ZNF613: variants seen among roughly 807,000 people sequenced by gnomAD.
ZNF613 encodes zinc finger protein 613.
A neutral mutation model predicts 14.3 loss-of-function variants in ZNF613; 8 were observed. The ratio of observed to expected loss-of-function variants is 0.56; its 90% CI spans 0.33 to 1.01. The LOEUF is 1.01. Among genes scored for constraint, ZNF613 ranks in the 50% least tolerant of loss-of-function variants. The pLI is 0.03. For missense variants in ZNF613, 656 were observed against 741.9 expected (o/e 0.88, Z 1.35); for synonymous variants, 228 against 254.5 (o/e 0.90, Z 0.99).
chr19:51,931,199 C>A (rs547628066), intron 2 of ZNF613, among the ~76,000 whole-genome samples: 1 of 152,230 alleles, frequency 6.6e-6, no homozygotes, highest in African/African-American at 2.4e-5. Context: ...ATGCATGTGT[C>A]GCTATTTCCT....
chr19:51,939,668 G>T (rs1180172620), intron 3 of ZNF613, among the ~76,000 whole-genome samples: 1 of 152,096 alleles, frequency 6.6e-6, no homozygotes, highest in East Asian at 1.9e-4. Context: ...TTTAGCAGTA[G>T]GGGGTAATAA....
chr19:51,928,918 A>G (rs944253313), intron 1 of ZNF613, among the ~76,000 whole-genome samples: 2 of 151,908 alleles, frequency 1.3e-5, no homozygotes, highest in Non-Finnish European at 1.5e-5. Context: ...GAAGAAAATG[A>G]TAAGGTTTCT....
intron 2 of ZNF613, among the ~76,000 whole-genome samples, chr19:51,933,719 A>C (rs543987874): frequency 6.6e-6 from 1 of 152,136 alleles, no homozygotes; most frequent in African/African-American, 2.4e-5. Flanking sequence ...TGAGCTGGGG[A>C]GGGGGTGGAG....
At position 51,929,885 on chromosome 19, in the gene ZNF613, G is replaced by T. The variant is rs1170031369; in HGVS notation, c.-205G>T. 6.6e-6 allele frequency: 1 copy of T among 151,936 alleles called. No individual in the cohort carries two copies. Among genetic ancestry groups the T allele is most frequent in the Non-Finnish European group, 1.5e-5 (1 of 67,962 alleles). 9.4% of individuals were successfully genotyped at this position (151,936 alleles called of 1,614,324 possible). A position where few individuals can be genotyped will look rare whatever the true frequency, so the allele number is the denominator to read the frequency against. On this transcript the variant is annotated 5_prime_UTR_variant, in exon 2 of 6. Coordinates refer to ENST00000293471, the MANE Select transcript of ZNF613 (RefSeq NM_001031721.4). ...TTGTAAAATATTGCTTTGTTTTTTG[G>T]TGCATTTCAAAGTAAGTTGCAGACA...
rs1343821430 is a variant in ZNF613, at chr19:51,940,615, A to G, written c.143-2A>G. On this transcript the variant is annotated splice_acceptor_variant, in intron 4 of 5. Transcript: ENST00000293471. LOFTEE classifies it high-confidence loss of function. ...AAGTTGTGTATCATTTCCTATGAAC[A>G]GGGTATCAAGCCAGCAAACCAGATG... is the stretch of plus-strand genomic sequence containing the variant. 6.2e-7 allele frequency: 1 copy of G among 1,610,922 alleles called. No homozygotes were observed. The highest frequency in any genetic ancestry group is 8.5e-7 in the Non-Finnish European group (1 of 1,178,422).
rs768192030 is a variant in ZNF613, at chr19:51,944,536, G to A, written c.653G>A (p.Arg218His). ...ECGKAFLKKSRLIYHQRVHTG... is the reference protein window; with the variant it reads ...ECGKAFLKKSHLIYHQRVHTG... ...GGGAAGGCTTTCCTCAAGAAGTCTC[G>A]CCTCATCTATCATCAGAGAGTTCAC... The change falls in exon 6 of 6, where the codon CGC becomes CAC. Residue 218 changes from arginine to histidine, a missense_variant. Coordinates refer to ENST00000293471, the MANE Select transcript of ZNF613 (RefSeq NM_001031721.4). 1.4e-5 allele frequency: 22 copies of A among 1,613,796 alleles called. No individual in the cohort carries two copies. Among genetic ancestry groups the A allele is most frequent in the Admixed American group, 6.7e-5 (4 of 59,994 alleles).
intron 2 of ZNF613, among the ~76,000 whole-genome samples, chr19:51,934,216 T>A (rs2085288970): frequency 6.6e-6 from 1 of 152,182 alleles, no homozygotes; most frequent in Admixed American, 6.5e-5. Flanking sequence ...TTTTTGATAG[T>A]TTTTTTACTT....
At chr19:51,941,740 C>T (rs2085351979) in intron 5 of ZNF613, among the ~76,000 whole-genome samples, 1 of 152,100 alleles carries the variant, frequency 6.6e-6, no homozygotes, top group African/African-American at 2.4e-5. Flanking sequence ...ATTTTTTACC[C>T]ACTTGCATGT....
In ZNF613 at chr19:51,944,854, C is replaced by G. The variant is rs780804079; in HGVS notation, c.971C>G (p.Ala324Gly). ...CATGGATGCAGCCTGTGTGGGAAGGCCTTCTCCAAAAGGTCCAGGCTCACT... is the reference window on the plus strand; with the variant it reads ...CATGGATGCAGCCTGTGTGGGAAGGGCTTCTCCAAAAGGTCCAGGCTCACT... ...KPHGCSLCGK[A>G]FSKRSRLTEH... Residue 324 changes from alanine to glycine, a missense_variant, in exon 6 of 6, where the codon GCC (alanine) becomes GGC (glycine). Coordinates refer to ENST00000293471, the MANE Select transcript of ZNF613 (RefSeq NM_001031721.4). The G allele has an allele frequency of 6.2e-7, 1 of 1,613,114 alleles. No individual in the cohort carries two copies. Among genetic ancestry groups the G allele is most frequent in the Non-Finnish European group, 8.5e-7 (1 of 1,179,870 alleles).
rs763269713 is a variant in ZNF613 at position 51,944,421 on chromosome 19, G to A, written c.538G>A (p.Glu180Lys). 4.5e-5 allele frequency: 73 copies of A among 1,607,270 alleles called. No individual in the cohort carries two copies. The highest frequency in any genetic ancestry group is 3.6e-4 in the East Asian group (16 of 44,716). ...EQFHNEMNFP[E>K]GGNSVNTNSQ... Reference sequence around the variant, plus strand: ...ATTTCATAATGAAATGAACTTCCCCGAAGGTGGAAATTCTGTGAATACAAA... The same window carrying A: ...ATTTCATAATGAAATGAACTTCCCCAAAGGTGGAAATTCTGTGAATACAAA... The change falls in exon 6 of 6, where the codon GAA (glutamate) becomes AAA (lysine). Residue 180 changes from glutamate (E) to lysine (K), a missense_variant. Physicochemically the swap from Glu to Lys is moderately conservative, Grantham distance 56. Transcript: ENST00000293471.
At position 51,946,038 on chromosome 19, in the gene ZNF613, C is replaced by T. The variant is rs892353332; in HGVS notation, c.*301C>T. Reference sequence around the variant, plus strand: ...TCAGAAACAGTACGCCAGTAGGTATCAGGGGGTTTACACAGGAGAGAAACT... The same window carrying T: ...TCAGAAACAGTACGCCAGTAGGTATTAGGGGGTTTACACAGGAGAGAAACT... On this transcript the variant is annotated 3_prime_UTR_variant, in exon 6 of 6. Coordinates refer to ENST00000293471, the MANE Select transcript of ZNF613 (RefSeq NM_001031721.4). 8 of 361,838 alleles carry T rather than the reference C, an allele frequency of 2.2e-5. No individual in the cohort carries two copies. The highest frequency in any genetic ancestry group is 8.7e-5 in the Admixed American group (2 of 23,100). 22.4% of individuals were successfully genotyped at this position (361,838 alleles called of 1,614,324 possible).
chr19:51,942,705 T>C (rs1036037143), intron 5 of ZNF613: 1 of 151,956 alleles, frequency 6.6e-6, no homozygotes, highest in Non-Finnish European at 1.5e-5. Context: ...ACTTGATTTT[T>C]TTTTTTTTTT....
intron 2 of ZNF613, among the ~76,000 whole-genome samples, chr19:51,930,186 A>G (rs961534106): frequency 9.9e-5 from 15 of 151,988 alleles, no homozygotes; most frequent in African/African-American, 3.4e-4. Context: ...GTTTTCTTCT[A>G]ATTTACTCTT....
At chr19:51,928,853 C>CAA (rs58085445) in intron 1 of ZNF613, among the ~76,000 whole-genome samples, 26 of 96,968 alleles carry the variant, frequency 2.7e-4, no homozygotes, top group African/African-American at 3.4e-4. Context: ...GACCCTGCCT[C>CAA]AAAAAAAAAA....
At chr19:51,939,593 G>C (rs926101175) in intron 3 of ZNF613, among the ~76,000 whole-genome samples, 1 of 151,800 alleles carries the variant, frequency 6.6e-6, no homozygotes, top group African/African-American at 2.4e-5. Context: ...GCCTCCCAAA[G>C]TGCTGGGATT....
Position 51,945,699 on chromosome 19 carries a change from A to G in ZNF613, c.1816A>G (p.Ser606Gly). The stretch of plus-strand genomic sequence containing the variant: ...CATTGTGAGCCAGCCTGTTGCCAGA[A>G]GTTCAGTCTCAGCAGATAGTAGAAT... Reference protein sequence around the residue: ...VAIVSQPVARSSVSADSRICT... With the variant: ...VAIVSQPVARGSVSADSRICT... Residue 606 changes from serine to glycine, a missense_variant, in exon 6 of 6, where the codon AGT (serine) becomes GGT (glycine). By Grantham distance (56) the Ser-to-Gly change is moderately conservative. Coordinates refer to ENST00000293471, the MANE Select transcript of ZNF613 (RefSeq NM_001031721.4). The G allele has an allele frequency of 6.2e-7, 1 of 1,614,194 alleles. No individual in the cohort carries two copies. The highest frequency in any genetic ancestry group is 1.1e-5 in the South Asian group (1 of 91,078).
intron 2 of ZNF613, among the ~76,000 whole-genome samples, chr19:51,935,186 T>C (rs61751913): frequency 3.0e-3 from 459 of 152,346 alleles, no homozygotes; most frequent in Middle Eastern, 0.024. Context: ...GGGCCGCCAC[T>C]CTCTGACCTG....
intron 3 of ZNF613, among the ~76,000 whole-genome samples, chr19:51,936,834 G>A (rs1006658363): frequency 3.3e-5 from 5 of 152,180 alleles, no homozygotes; most frequent in African/African-American, 1.2e-4. Context: ...GGTAGCTTCA[G>A]TATGGAGGCT....
intron 5 of ZNF613, among the ~76,000 whole-genome samples, chr19:51,943,475 G>C (rs2085366482): frequency 6.6e-6 from 1 of 152,190 alleles, no homozygotes; most frequent in Admixed American, 6.5e-5. Flanking sequence ...AGCCATCTTG[G>C]TTATCAGATC....
Sources: gnomAD v4.1 joint callset for allele counts (sites outside exome capture counted in the v4.1 genomes callset) on GRCh38, gnomAD v4.1.1 for gene constraint, MANE v1.5 for transcripts, NCBI Gene and HGNC (gene_info 2026-07-23, HGNC 2026-07-21) for gene names.